COPZ1: variants seen among roughly 807,000 people sequenced by gnomAD.
COPZ1 encodes the protein coatomer subunit zeta-1.
In COPZ1, 4 loss-of-function variants were observed where a neutral mutation model predicts 31.7. That is an observed-to-expected ratio of 0.13 (90% confidence interval 0.06 to 0.29). The LOEUF (loss-of-function observed/expected upper bound fraction) is 0.29. Among genes scored for constraint, COPZ1 ranks in the 10% least tolerant of loss-of-function variants. The pLI is 1.00. For synonymous variants in COPZ1, 74 were observed against 79.0 expected (o/e 0.94, Z 0.33); for missense variants, 156 against 211.5 (o/e 0.74, Z 1.63).
chr12:54,347,990 G>A lies in COPZ1; in HGVS notation c.396-10G>A. The A allele has an allele frequency of 6.2e-7, 1 of 1,613,946 alleles. No individual in the cohort carries two copies. Among genetic ancestry groups the A allele is most frequent in the Non-Finnish European group, 8.5e-7 (1 of 1,179,916 alleles). On this transcript the variant is annotated splice_polypyrimidine_tract_variant and intron_variant, in intron 6 of 8. Transcript: ENST00000262061. ...CAGAGTGAACAATGATCTCTTCTTTGTTTTTGCAGGGTGATCCTAGAGAGT... is the reference window on the plus strand; with the variant it reads ...CAGAGTGAACAATGATCTCTTCTTTATTTTTGCAGGGTGATCCTAGAGAGT...
intron 4 of COPZ1, among the ~76,000 whole-genome samples, chr12:54,344,382 A>G (rs187494922): frequency 7.2e-5 from 11 of 152,332 alleles, no homozygotes. Context: ...GATTGAGACC[A>G]TCCTGGCTAA....
At chr12:54,341,287 A>C (rs1296566013) in intron 2 of COPZ1, among the ~76,000 whole-genome samples, 3 of 152,082 alleles carry the variant, frequency 2.0e-5, no homozygotes, top group Non-Finnish European at 4.4e-5. Flanking sequence ...CTAGGTTTAT[A>C]GTCACCATCA....
chr12:54,330,078 C>T (rs1953722904), intron 1 of COPZ1, among the ~76,000 whole-genome samples: 1 of 152,112 alleles, frequency 6.6e-6, no homozygotes, highest in Non-Finnish European at 1.5e-5. Flanking sequence ...TGCCTGGCCC[C>T]CTCCATTTTG....
intron 1 of COPZ1, among the ~76,000 whole-genome samples, chr12:54,327,879 G>A (rs1026322718): frequency 3.6e-4 from 54 of 151,944 alleles, no homozygotes; most frequent in South Asian, 6.2e-4. Flanking sequence ...TTAGAAGGGA[G>A]CCTGCTTAAA....
chr12:54,343,211 T>A lies in COPZ1; in HGVS notation c.170-14T>A. ...TCAAGCCACCCACTATTTTTACTTT[T>A]TTTCCCCCACCAGGTGAAATTGCCC... On this transcript the variant is annotated splice_polypyrimidine_tract_variant and intron_variant, in intron 3 of 8. Transcript: ENST00000262061. The A allele has an allele frequency of 1.2e-6, 2 of 1,609,726 alleles. No homozygotes were observed. The highest frequency in any genetic ancestry group is 1.7e-6 in the Non-Finnish European group (2 of 1,176,024).
At chr12:54,335,563 C>G (rs1357144497) in intron 1 of COPZ1, among the ~76,000 whole-genome samples, 1 of 152,074 alleles carries the variant, frequency 6.6e-6, no homozygotes, top group African/African-American at 2.4e-5. Flanking sequence ...CGTCTGCTAC[C>G]ATGCCTGGCT....
chr12:54,350,677 T>G lies in COPZ1; in HGVS notation c.*154T>G, dbSNP rs1033372426. The G allele has an allele frequency of 1.5e-6, 1 of 670,098 alleles. No homozygotes were observed. The highest frequency in any genetic ancestry group is 1.8e-5 in the African/African-American group (1 of 56,136). 41.5% of individuals were successfully genotyped at this position (670,098 alleles called of 1,614,324 possible). A position where few individuals can be genotyped will look rare whatever the true frequency, so the allele number is the denominator to read the frequency against. ...TCTGTTTGTGGTTGCCCCCTCAACC[T>G]CCCCTACACCCTTCCTATTCTTTTT... is the stretch of plus-strand genomic sequence containing the variant. On this transcript the variant is annotated 3_prime_UTR_variant, in exon 9 of 9. Transcript: ENST00000262061.
chr12:54,343,463 C>T, intron 4 of COPZ1, 147 bp downstream of exon 4: 1 of 663,844 alleles, frequency 1.5e-6, no homozygotes, highest in East Asian at 2.6e-5. Context: ...CCACCAGCCT[C>T]ACAAACATGG....
intron 3 of COPZ1, among the ~76,000 whole-genome samples, chr12:54,342,850 CTTCT>C (rs1953996327): frequency 7.3e-6 from 1 of 136,658 alleles, no homozygotes; most frequent in African/African-American, 2.9e-5. Flanking sequence ...ATGGTAACGC[CTTCT>C]TTTTTTTTTT....
intron 2 of COPZ1, 125 bp downstream of exon 2, chr12:54,340,740 T>G (rs1739586558): frequency 1.9e-6 from 2 of 1,029,740 alleles, no homozygotes; most frequent in South Asian, 1.7e-5. Context: ...ACTTCCATCT[T>G]TTTTTTTTGA....
Position 54,348,277 on chromosome 12 carries a change from C to T in COPZ1, c.447+226C>T, listed in dbSNP as rs1592211873. 7.4e-6 allele frequency: 4 copies of T among 541,744 alleles called. No individual in the cohort carries two copies. The East Asian group carries it at 8.6e-5, about 12-fold the overall frequency. 33.6% of individuals were successfully genotyped at this position (541,744 alleles called of 1,614,324 possible). On this transcript the variant is annotated intron_variant, in intron 7 of 8. Transcript: ENST00000262061. ...CTAATATGGTGCCTAACATCTCATACAGTCTTTGCACAAAGTGGACATTTA... is the reference window on the plus strand; with the variant it reads ...CTAATATGGTGCCTAACATCTCATATAGTCTTTGCACAAAGTGGACATTTA...
intron 8 of COPZ1, 53 bp from the exon 9 acceptor site, chr12:54,350,423 C>G: frequency 6.7e-7 from 1 of 1,493,060 alleles, no homozygotes; most frequent in Middle Eastern, 1.7e-4. Flanking sequence ...CAGCCCTCAT[C>G]CTTACCCTGC....
chr12:54,342,273 C>G lies in COPZ1; in HGVS notation c.155C>G (p.Thr52Ser), dbSNP rs764042197. The change falls in exon 3 of 9, where the codon ACC (threonine) becomes AGC (serine). Residue 52 changes from threonine to serine, a missense_variant. Thr to Ser is a moderately conservative substitution (Grantham distance 58). Coordinates refer to ENST00000262061, the MANE Select transcript of COPZ1 (RefSeq NM_016057.3). ...TTTGAGAAGAACATTTTCAACAAGA[C>G]CCATCGGACTGACAGTAGGTCATTT... ...KAFEKNIFNKTHRTDSEIALL... is the reference protein window; with the variant it reads ...KAFEKNIFNKSHRTDSEIALL... The G allele has an allele frequency of 6.2e-7, 1 of 1,613,528 alleles. No individual in the cohort carries two copies. The highest frequency in any genetic ancestry group is 8.5e-7 in the Non-Finnish European group (1 of 1,179,578).
chr12:54,343,013 C>T (rs539350922), intron 3 of COPZ1, among the ~76,000 whole-genome samples: 18 of 152,074 alleles, frequency 1.2e-4, no homozygotes, highest in East Asian at 5.8e-4. Context: ...CACACCACCA[C>T]GCCCGGCTAA....
intron 1 of COPZ1, among the ~76,000 whole-genome samples, chr12:54,339,095 C>T (rs1953923676): frequency 6.6e-6 from 1 of 152,000 alleles, no homozygotes; most frequent in African/African-American, 2.4e-5. Context: ...AGCCTTGTCT[C>T]AGCACAAGGG....
chr12:54,334,038 G>C (rs150149952), intron 1 of COPZ1, among the ~76,000 whole-genome samples: 141 of 152,214 alleles, frequency 9.3e-4, no homozygotes, highest in African/African-American at 3.2e-3. Flanking sequence ...TGAGGCTGCA[G>C]TGAGCTGTGA....
At chr12:54,349,743 A>T in intron 8 of COPZ1, 85 bp downstream of exon 8, 1 of 1,098,874 alleles carries the variant, frequency 9.1e-7, no homozygotes, top group Non-Finnish European at 1.4e-6. Context: ...CTCAAATCTG[A>T]GTGAAACTAG....
chr12:54,328,490 T>C (rs1323036381), intron 1 of COPZ1, among the ~76,000 whole-genome samples: 1 of 147,006 alleles, frequency 6.8e-6, no homozygotes, highest in Non-Finnish European at 1.5e-5. Context: ...CACTTGAACC[T>C]GGGAGGCAGA....
chr12:54,338,443 A>C (rs1428794721), intron 1 of COPZ1, among the ~76,000 whole-genome samples: 1 of 152,170 alleles, frequency 6.6e-6, no homozygotes, highest in African/African-American at 2.4e-5. Context: ...ACTAGGCAAC[A>C]AAGTTCTTTA....
Sources: allele counts gnomAD v4.1 joint callset (sites outside exome capture counted in the v4.1 genomes callset), GRCh38; gene constraint gnomAD v4.1.1; transcripts MANE v1.5; gene names NCBI Gene and HGNC (gene_info 2026-07-23, HGNC 2026-07-21).